Variants in HTD2 observed in about 807,000 individuals in gnomAD.
The protein encoded by HTD2 is hydroxyacyl-thioester dehydratase type 2.
HTD2 carries 1 observed loss-of-function variant against 3.1 expected under a neutral mutation model. That is an observed-to-expected ratio of 0.32 (90% CI 0.11 to 1.52). The LOEUF is 1.52. Among genes scored for constraint, HTD2 ranks in the 40% most tolerant of loss-of-function variants. The pLI is 0.39. For synonymous variants in HTD2, 50 were observed against 28.9 expected (o/e 1.73, Z -2.34); for missense variants, 150 against 79.6 (o/e 1.88, Z -3.36).
At chr3:58,315,252 A>G (rs560050371) in intron 2 of HTD2, among the ~76,000 whole-genome samples, 66 of 152,318 alleles carry the variant, frequency 4.3e-4, no homozygotes, top group Non-Finnish European at 7.5e-4. Flanking sequence ...ATGAATCTCC[A>G]GAGAATTATG....
rs1468860943 is a variant in HTD2, at chr3:58,317,446, C to T, written c.-168C>T. ...CTTTTTCTTTCTCTTCTAGGTTTCT[C>T]CATTTCTTCTTGCATTATCTGGTAA... On this transcript the variant is annotated 5_prime_UTR_variant, in exon 5 of 5. Transcript: ENST00000461393. 2 of 1,596,410 alleles carry T rather than the reference C, an allele frequency of 1.3e-6. No individual in the cohort carries two copies. Among genetic ancestry groups the T allele is most frequent in the South Asian group, 2.2e-5 (2 of 90,514 alleles).
At chr3:58,312,924 G>T (rs1426236130) in intron 2 of HTD2, among the ~76,000 whole-genome samples, 5 of 141,602 alleles carry the variant, frequency 3.5e-5, no homozygotes, top group Admixed American at 1.5e-4. Context: ...TCACGCCACT[G>T]CATTCCAGCC....
At chr3:58,313,238 G>A (rs35318120) in intron 2 of HTD2, among the ~76,000 whole-genome samples, 9,395 of 151,510 alleles carry the variant, frequency 0.062, 430 homozygotes, top group Middle Eastern at 0.091. Flanking sequence ...CAGCCTGGGC[G>A]ACAGAGCGAG....
intron 2 of HTD2, among the ~76,000 whole-genome samples, chr3:58,314,274 C>G (rs2097485620): frequency 6.6e-6 from 1 of 152,146 alleles, no homozygotes; most frequent in Non-Finnish European, 1.5e-5. Context: ...CCACTTGAAC[C>G]TGGGAGGCGG....
At position 58,318,216 on chromosome 3, in the gene HTD2, C is replaced by G. The variant is rs2107511459; in HGVS notation, c.*96C>G. ...CTTTACCAAAGAATGGTTGATAGGC[C>G]CAGAAGCCCATCTTAGTTAGGGGAA... On this transcript the variant is annotated 3_prime_UTR_variant, in exon 5 of 5. Coordinates refer to ENST00000461393, the MANE Select transcript of HTD2 (RefSeq NM_001348712.2). 1 of 589,706 alleles carries G rather than the reference C, an allele frequency of 1.7e-6. No individual in the cohort carries two copies. Among genetic ancestry groups the G allele is most frequent in the East Asian group, 2.8e-5 (1 of 35,790 alleles). 36.5% of individuals were successfully genotyped at this position (589,706 alleles called of 1,614,324 possible).
At chr3:58,306,832 T>C (rs1263304891) in intron 1 of HTD2, among the ~76,000 whole-genome samples, 181 bp downstream of exon 1, 1 of 152,002 alleles carries the variant, frequency 6.6e-6, no homozygotes, top group Non-Finnish European at 1.5e-5. Flanking sequence ...GCAAGATTCT[T>C]GGAGTGGACT....
intron 1 of HTD2, 102 bp from the exon 2 acceptor site, chr3:58,310,405 C>T: frequency 6.2e-7 from 1 of 1,613,606 alleles, no homozygotes; most frequent in Middle Eastern, 1.7e-4. Flanking sequence ...GAAAGTCTGC[C>T]TGTAAGTTTA....
At chr3:58,316,701 G>C (rs759572883) in intron 3 of HTD2, 110 bp downstream of exon 3, 36 of 1,059,206 alleles carry the variant, frequency 3.4e-5, no homozygotes, top group Non-Finnish European at 5.0e-5. Context: ...ACTCTGAGCA[G>C]CTTTTGGGAA....
intron 1 of HTD2, among the ~76,000 whole-genome samples, chr3:58,307,054 G>T (rs1331054943): frequency 6.6e-6 from 1 of 152,206 alleles, no homozygotes; most frequent in Non-Finnish European, 1.5e-5. Flanking sequence ...CCTGGAGGAA[G>T]ATCTTTCCCA....
intron 4 of HTD2, 139 bp downstream of exon 4, chr3:58,317,132 AT>A (rs2097489149): frequency 1.5e-6 from 1 of 663,950 alleles, no homozygotes; most frequent in African/African-American, 1.8e-5. Context: ...AAAGGACTTG[AT>A]TGTTTCCAAA....
chr3:58,306,932 A>G (rs1171134428), intron 1 of HTD2, among the ~76,000 whole-genome samples: 1 of 152,210 alleles, frequency 6.6e-6, no homozygotes, highest in Non-Finnish European at 1.5e-5. Flanking sequence ...AGAAGAAAGC[A>G]GGGACGGGGC....
Position 58,318,362 on chromosome 3 carries a change from T to G in HTD2, c.*242T>G. 1 of 370,234 alleles carries G rather than the reference T, an allele frequency of 2.7e-6. No homozygotes were observed. Among genetic ancestry groups the G allele is most frequent in the Non-Finnish European group, 4.8e-6 (1 of 207,478 alleles). 22.9% of individuals were successfully genotyped at this position (370,234 alleles called of 1,614,324 possible). ...GGTTTTTTGTTTGTTTTTTGTTTTT[T>G]AATTCAAGAAGTAGGCTGGGCCCGG... On this transcript the variant is annotated 3_prime_UTR_variant, in exon 5 of 5. Transcript: ENST00000461393.
intron 2 of HTD2, among the ~76,000 whole-genome samples, chr3:58,310,965 CAA>C (rs3038127): frequency 0.62 from 88,859 of 142,682 alleles, 27,661 homozygotes; most frequent in East Asian, 0.99. Flanking sequence ...TTTCAAACAT[CAA>C]AAAAAAAAAA....
At chr3:58,312,960 CAAA>C (rs35853424) in intron 2 of HTD2, among the ~76,000 whole-genome samples, 1,592 of 79,020 alleles carry the variant, frequency 0.02, 34 homozygotes, top group African/African-American at 0.077. Context: ...GACTCTGTCT[CAAA>C]AAAAAAAAAA....
chr3:58,315,375 G>T (rs2097487151), intron 2 of HTD2, among the ~76,000 whole-genome samples: 1 of 152,054 alleles, frequency 6.6e-6, no homozygotes, highest in South Asian at 2.1e-4. Context: ...GCTGGGGTGA[G>T]GAGTAGGGGA....
At chr3:58,310,620 T>C in intron 2 of HTD2, 29 bp downstream of exon 2, 1 of 1,565,926 alleles carries the variant, frequency 6.4e-7, no homozygotes, top group African/African-American at 1.4e-5. Flanking sequence ...GATTGAACAT[T>C]CCAAAGATCT....
At position 58,317,448 on chromosome 3, in the gene HTD2, A is replaced by G. The variant is rs1158692400; in HGVS notation, c.-166A>G. The stretch of plus-strand genomic sequence containing the variant: ...TTTTCTTTCTCTTCTAGGTTTCTCC[A>G]TTTCTTCTTGCATTATCTGGTAATA... On this transcript the variant is annotated 5_prime_UTR_variant, in exon 5 of 5. Transcript: ENST00000461393. 1.3e-6 allele frequency: 2 copies of G among 1,598,414 alleles called. No individual in the cohort carries two copies. The highest frequency in any genetic ancestry group is 2.2e-5 in the South Asian group (2 of 90,578).
chr3:58,306,563 C>G lies in HTD2; in HGVS notation c.-504C>G, dbSNP rs1282609608. ...CGCTGAGGGCCTCTGTACGGCGCCG[C>G]GTAGGGTCTCGGCCGCAGAACGTGG... On this transcript the variant is annotated 5_prime_UTR_variant, in exon 1 of 5. Transcript: ENST00000461393. 3 of 152,182 alleles carry G rather than the reference C, an allele frequency of 2.0e-5. No homozygotes were observed. Among genetic ancestry groups the G allele is most frequent in the Admixed American group, 2.0e-4 (3 of 15,288 alleles). The allele number at this position is 152,182 out of a possible 1,614,324, so 9.4% of individuals were successfully genotyped here. A position where few individuals can be genotyped will look rare whatever the true frequency, so the allele number is the denominator to read the frequency against.
rs757224322 is a variant in HTD2 at position 58,310,497 on chromosome 3, C to CT, written c.-415-3dup. 65 of 1,590,294 alleles carry CT rather than the reference C, an allele frequency of 4.1e-5. No individual in the cohort carries two copies. The African/African-American group carries it at 4.4e-4, about 11-fold the overall frequency. On this transcript the variant is annotated splice_polypyrimidine_tract_variant and intron_variant, in intron 1 of 4. Coordinates refer to ENST00000461393, the MANE Select transcript of HTD2 (RefSeq NM_001348712.2). ...TTTAATATGACTTTTTTTTTTTTCA[C>CT]TTTTTTTAGAGAATTTCAAGATTGT...
Sources: gnomAD v4.1 joint callset for allele counts (sites outside exome capture counted in the v4.1 genomes callset) on GRCh38, gnomAD v4.1.1 for gene constraint, MANE v1.5 for transcripts, NCBI Gene and HGNC (gene_info 2026-07-23, HGNC 2026-07-21) for gene names.